The following COX15 variants were observed in gnomAD, a reference collection of about 807,000 sequenced individuals.
The protein encoded by COX15 is heme A synthase COX15.
COX15 carries 51 observed loss-of-function variants against 51.9 expected under a neutral mutation model. The observed-to-expected ratio is 0.98, with a 90% CI of 0.78 to 1.24. COX15 has a LOEUF of 1.24. COX15 is among the 50% of genes most tolerant of loss of function. The pLI, the probability that COX15 is intolerant of heterozygous loss-of-function variation, is 0.00. For synonymous variants in COX15, 188 were observed against 190.5 expected, an observed-to-expected ratio of 0.99 and a Z score of 0.11; for missense variants, 420 against 501.1, an observed-to-expected ratio of 0.84 and a Z score of 1.55.
chr10:99,727,188 A>G (rs183004572), intron 3 of COX15, 34 bp from the exon 4 acceptor site: 8 of 1,602,502 alleles, frequency 5.0e-6, no homozygotes. Flanking sequence ...AAGGAGGAGG[A>G]GGAAACATCC....
At chr10:99,695,846 T>G in the COX15 span, 3 of 977,454 alleles carry the variant, frequency 3.1e-6, no homozygotes, top group Non-Finnish European at 4.4e-6. Context: ...ATGCTTAAGA[T>G]GTTTTAAAGA....
In COX15 at chr10:99,711,025, T is replaced by C. The variant is rs1289037918; in HGVS notation, c.*3562A>G. The C allele has an allele frequency of 1.0e-6, 1 of 985,300 alleles. No homozygotes were observed. The highest frequency in any genetic ancestry group is 1.1e-4 in the East Asian group (1 of 8,822). 61.0% of individuals were successfully genotyped at this position (985,300 alleles called of 1,614,324 possible). On this transcript the variant is annotated 3_prime_UTR_variant, in exon 9 of 9. Coordinates refer to ENST00000016171, the MANE Select transcript of COX15 (RefSeq NM_078470.6). Reference sequence around the variant, plus strand: ...AGGTATTTGGAACATCAATCTGTAATTATCCATTTTCCATTCATGCATTCA... The same window carrying C: ...AGGTATTTGGAACATCAATCTGTAACTATCCATTTTCCATTCATGCATTCA...
intron 4 of COX15, among the ~76,000 whole-genome samples, chr10:99,724,347 T>A (rs976559694): frequency 1.3e-5 from 2 of 152,138 alleles, no homozygotes; most frequent in Non-Finnish European, 2.9e-5. Context: ...CACGCCTGGC[T>A]AATTTTTGTA....
intron 8 of COX15, among the ~76,000 whole-genome samples, chr10:99,715,638 C>CT (rs1417556915): frequency 6.9e-6 from 1 of 145,206 alleles, no homozygotes; most frequent in East Asian, 2.0e-4. Context: ...GACTCCATCT[C>CT]TAAAAAAAAA....
the COX15 span, chr10:99,698,745 A>G: frequency 3.2e-5 from 51 of 1,614,092 alleles, no homozygotes; most frequent in Admixed American, 8.3e-5. Flanking sequence ...TCAATCGCCT[A>G]TTGACTTCAA....
the COX15 span, chr10:99,700,792 G>A: frequency 3.1e-6 from 2 of 648,892 alleles, no homozygotes; most frequent in Non-Finnish European, 5.5e-6. Flanking sequence ...TGCTAGACAT[G>A]GGATGACGGG....
chr10:99,727,383 A>C lies in COX15; in HGVS notation c.395+58T>G, dbSNP rs542185347. 225 of 1,601,272 alleles carry C rather than the reference A, an allele frequency of 1.4e-4. No homozygotes were observed. The African/African-American group carries it at 2.8e-3, about 20-fold the overall frequency. On this transcript the variant is annotated intron_variant, in intron 3 of 8. Transcript: ENST00000016171. ...TAATCTAACCATTCTGAAGGGTTTA[A>C]GTCCAAAAGATCAAATGGGCCTACT...
At chr10:99,694,538 G>GTT in the COX15 span, among the ~76,000 whole-genome samples, 3,771 of 134,232 alleles carry the variant, frequency 0.028, 117 homozygotes, top group Admixed American at 0.057. Flanking sequence ...AAGTTTTTTT[G>GTT]TTTTTTTTTT....
chr10:99,712,240 G>T lies in COX15; in HGVS notation c.*2347C>A. On this transcript the variant is annotated 3_prime_UTR_variant, in exon 9 of 9. Transcript: ENST00000016171. ...CACCACCTGAGAATGGTACACTACA[G>T]GTCACAGAAACTTACAGAGTACTGG... The T allele has an allele frequency of 1.0e-6, 1 of 985,398 alleles. No homozygotes were observed. Among genetic ancestry groups the T allele is most frequent in the Non-Finnish European group, 1.2e-6 (1 of 829,940 alleles). 61.0% of individuals were successfully genotyped at this position (985,398 alleles called of 1,614,324 possible). A position where few individuals can be genotyped will look rare whatever the true frequency, so the allele number is the denominator to read the frequency against.
In COX15 at chr10:99,711,192, CTCA is replaced by C. The variant is rs1162414162; in HGVS notation, c.*3392_*3394del. ...GCAACCAGTTGTTTTTCCAAATGTACTCATCATCTGTAATAAAAGAAAAATGAA... is the reference window on the plus strand; with the variant it reads ...GCAACCAGTTGTTTTTCCAAATGTACTCATCTGTAATAAAAGAAAAATGAA... On this transcript the variant is annotated 3_prime_UTR_variant, in exon 9 of 9. Coordinates refer to ENST00000016171, the MANE Select transcript of COX15 (RefSeq NM_078470.6). The C allele has an allele frequency of 5.1e-6, 5 of 985,146 alleles. No individual in the cohort carries two copies. In the African/African-American group the frequency reaches 5.2e-5, roughly 10 times the overall value. The allele number at this position is 985,146 out of a possible 1,614,324, so 61.0% of individuals were successfully genotyped here. A position where few individuals can be genotyped will look rare whatever the true frequency, so the allele number is the denominator to read the frequency against.
At position 99,712,894 on chromosome 10, in the gene COX15, C is replaced by T. The variant is rs74981084; in HGVS notation, c.*1693G>A. Reference sequence around the variant, plus strand: ...AGCTCATTCCCTCTTCTGCATGAGACGGCTTCAACTTCTCAAGGACAGGAA... The same window carrying T: ...AGCTCATTCCCTCTTCTGCATGAGATGGCTTCAACTTCTCAAGGACAGGAA... On this transcript the variant is annotated 3_prime_UTR_variant, in exon 9 of 9. Coordinates refer to ENST00000016171, the MANE Select transcript of COX15 (RefSeq NM_078470.6). 2,515 of 537,072 alleles carry T rather than the reference C, an allele frequency of 4.7e-3. 61 individuals are homozygous for T. In the African/African-American group the frequency reaches 0.047, roughly 10 times the overall value. The allele number at this position is 537,072 out of a possible 1,614,324, so 33.3% of individuals were successfully genotyped here.
intron 6 of COX15, among the ~76,000 whole-genome samples, chr10:99,719,983 A>G (rs560474231): frequency 3.9e-4 from 59 of 152,352 alleles, no homozygotes; most frequent in African/African-American, 1.4e-3. Flanking sequence ...CCCTAGCCAC[A>G]TGTGCCTGTG....
At chr10:99,710,645 T>C (rs537943594), downstream of COX15, 110 of 985,362 alleles carry the variant, frequency 1.1e-4, no homozygotes, top group Non-Finnish European at 1.3e-4. Flanking sequence ...TTCTCCCTTA[T>C]GCAGGGACAT....
the COX15 span, chr10:99,704,513 T>C: frequency 1.9e-6 from 3 of 1,614,128 alleles, no homozygotes; most frequent in Admixed American, 3.3e-5. Flanking sequence ...CTCCTTTGTA[T>C]ACAACCACTA....
In COX15 at chr10:99,712,588, T is replaced by A. The variant is rs2036429758; in HGVS notation, c.*1999A>T. The A allele has an allele frequency of 1.0e-6, 1 of 984,486 alleles. No homozygotes were observed. The highest frequency in any genetic ancestry group is 1.7e-5 in the African/African-American group (1 of 57,218). The allele number at this position is 984,486 out of a possible 1,614,324, so 61.0% of individuals were successfully genotyped here. ...TGTCACTGTATGGAATCTAGGTATA[T>A]CCAAGGAAAAATAAACTTAAGATAA... is the stretch of plus-strand genomic sequence containing the variant. On this transcript the variant is annotated 3_prime_UTR_variant, in exon 9 of 9. Transcript: ENST00000016171.
chr10:99,704,378 C>T, the COX15 span: 652 of 1,446,520 alleles, frequency 4.5e-4, 5 homozygotes, highest in Non-Finnish European at 1.8e-4. Context: ...ACTACTGGGC[C>T]TTTCAAATCA....
chr10:99,712,334 A>G lies in COX15; in HGVS notation c.*2253T>C. ...AAACGTTAGGTCATTTATGGCTCTC[A>G]GACACGTTAAGCCTGCATAACATTT... On this transcript the variant is annotated 3_prime_UTR_variant, in exon 9 of 9. Coordinates refer to ENST00000016171, the MANE Select transcript of COX15 (RefSeq NM_078470.6). The G allele has an allele frequency of 1.0e-6, 1 of 985,448 alleles. No homozygotes were observed. Among genetic ancestry groups the G allele is most frequent in the Non-Finnish European group, 1.2e-6 (1 of 829,920 alleles). 61.0% of individuals were successfully genotyped at this position (985,448 alleles called of 1,614,324 possible). A position where few individuals can be genotyped will look rare whatever the true frequency, so the allele number is the denominator to read the frequency against.
chr10:99,710,202 C>T, downstream of COX15: 1 of 985,416 alleles, frequency 1.0e-6, no homozygotes, highest in Non-Finnish European at 1.2e-6. Context: ...AGAGCACTTG[C>T]CGGCATTTGG....
intron 2 of COX15, among the ~76,000 whole-genome samples, chr10:99,728,678 C>T (rs193145488): frequency 2.0e-3 from 306 of 152,296 alleles, no homozygotes; most frequent in Non-Finnish European, 3.5e-3. Context: ...GCTCCCTCAT[C>T]CCTAATTTGA....
Sources: gnomAD v4.1 joint callset for allele counts (sites outside exome capture counted in the v4.1 genomes callset) on GRCh38, gnomAD v4.1.1 for gene constraint, MANE v1.5 for transcripts, NCBI Gene and HGNC (gene_info 2026-07-23, HGNC 2026-07-21) for gene names.